SLFN5: variants seen among roughly 807,000 people sequenced by gnomAD.
The protein encoded by SLFN5 is schlafen family member 5.
In SLFN5, 34 loss-of-function variants were observed where a neutral mutation model predicts 48.5. The ratio of observed to expected loss-of-function variants is 0.70; its 90% CI spans 0.53 to 0.93. SLFN5 has a LOEUF of 0.93. Ranked by LOEUF, SLFN5 falls within the 40% of genes least tolerant of loss-of-function variation. SLFN5 has a pLI of 0.00. For missense variants in SLFN5, 1,006 were observed against 1,071.3 expected, an observed-to-expected ratio of 0.94 and a Z score of 0.85; for synonymous variants, 387 against 396.2, an observed-to-expected ratio of 0.98 and a Z score of 0.28.
At chr17:35,261,675 C>CTT (rs200709274) in intron 3 of SLFN5, among the ~76,000 whole-genome samples, 6,226 of 126,732 alleles carry the variant, frequency 0.049, 203 homozygotes, top group Middle Eastern at 0.081. Context: ...AGCCACCAGT[C>CTT]TTTTTTTTTT....
chr17:35,264,097 AGTGTTGATTAAT>A, intron 3 of SLFN5, 74 bp from the exon 4 acceptor site: 1 of 1,447,240 alleles, frequency 6.9e-7, no homozygotes, highest in Non-Finnish European at 9.2e-7. Context: ...GTAGAGTCCC[AGTGTTGATTAAT>A]TCTTCTACGT....
intron 1 of SLFN5, among the ~76,000 whole-genome samples, chr17:35,249,984 A>C (rs2092438655): frequency 6.6e-6 from 1 of 152,242 alleles, no homozygotes; most frequent in African/African-American, 2.4e-5. Context: ...TATCCATAGA[A>C]GTCAGACGCA....
chr17:35,264,243 A>C lies in SLFN5; in HGVS notation c.1199A>C (p.His400Pro), dbSNP rs776405166. The change falls in exon 4 of 5, where the codon CAT becomes CCT. Residue 400 changes from histidine to proline, a missense_variant. Physicochemically the swap from His to Pro is moderately conservative, Grantham distance 77. Transcript: ENST00000299977. The stretch of plus-strand genomic sequence containing the variant: ...CTCTACAAGGAACTCTTCTCACAAC[A>C]TAAAGGACTCAGAGACTTAATAAAT... ...ESLYKELFSQ[H>P]KGLRDLINTE... The C allele has an allele frequency of 5.0e-6, 8 of 1,613,964 alleles. No individual in the cohort carries two copies. The highest frequency in any genetic ancestry group is 1.6e-4 in the Middle Eastern group (1 of 6,084).
rs760181172 is a variant in SLFN5 at position 35,265,394 on chromosome 17, G to A, written c.2182G>A (p.Glu728Lys). 3.1e-6 allele frequency: 5 copies of A among 1,614,166 alleles called. No individual in the cohort carries two copies. Among genetic ancestry groups the A allele is most frequent in the Non-Finnish European group, 4.2e-6 (5 of 1,180,042 alleles). ...IANYLQQVMQ[E>K]ARQNPPPNLP... is the part of the protein sequence containing the mutation. ...TAATTACCTACAACAAGTAATGCAG[G>A]AAGCCCGACAAAATCCTCCACCTAA... The change falls in exon 5 of 5, where the codon GAA becomes AAA. Residue 728 changes from glutamate to lysine, a missense_variant. By Grantham distance (56) the Glu-to-Lys change is moderately conservative. Coordinates refer to ENST00000299977, the MANE Select transcript of SLFN5 (RefSeq NM_144975.4).
At chr17:35,252,178 C>T (rs2092444000) in intron 1 of SLFN5, among the ~76,000 whole-genome samples, 2 of 152,036 alleles carry the variant, frequency 1.3e-5, no homozygotes, top group South Asian at 4.1e-4. Context: ...ACCTGTAATC[C>T]CAGCACTTTA....
intron 1 of SLFN5, among the ~76,000 whole-genome samples, chr17:35,247,915 A>T (rs568151026): frequency 7.9e-5 from 12 of 152,094 alleles, no homozygotes; most frequent in Non-Finnish European, 1.6e-4. Flanking sequence ...TTGTCCTGAG[A>T]GCTTCACTTT....
In SLFN5 at chr17:35,258,969, C is replaced by A. The variant is rs772590228; in HGVS notation, c.279C>A (p.Asn93Lys). ...ATTTAGATAAGATGCAGAAGGAAAA[C>A]CACTTTTTGATTTTTGTGAAATCAT... is the stretch of plus-strand genomic sequence containing the variant. ...RSHLDKMQKE[N>K]HFLIFVKSWN... The change falls in exon 2 of 5, where the codon AAC (asparagine) becomes AAA (lysine). Residue 93 changes from asparagine to lysine, a missense_variant. Coordinates refer to ENST00000299977, the MANE Select transcript of SLFN5 (RefSeq NM_144975.4). 1 of 1,614,088 alleles carries A rather than the reference C, an allele frequency of 6.2e-7. No individual in the cohort carries two copies.
Position 35,258,853 on chromosome 17 carries a change from G to A in SLFN5, c.163G>A (p.Gly55Arg), listed in dbSNP as rs994345205. The change falls in exon 2 of 5, where the codon GGG (glycine) becomes AGG (arginine). Residue 55 changes from glycine to arginine, a missense_variant. By Grantham distance (125) the Gly-to-Arg change is moderately radical (BLOSUM62 -2). Coordinates refer to ENST00000299977, the MANE Select transcript of SLFN5 (RefSeq NM_144975.4). ...AGTATGTGCTCTGCTGAATTCTGGT[G>A]GGGGCATAATCAAGGCTGAGATTGA... ...RAVCALLNSG[G>R]GIIKAEIENK... is the part of the protein sequence containing the mutation. The A allele has an allele frequency of 3.7e-6, 6 of 1,614,182 alleles. No individual in the cohort carries two copies. Among genetic ancestry groups the A allele is most frequent in the Non-Finnish European group, 5.1e-6 (6 of 1,180,036 alleles).
chr17:35,252,037 T>C (rs2092443732), intron 1 of SLFN5, among the ~76,000 whole-genome samples: 1 of 152,174 alleles, frequency 6.6e-6, no homozygotes, highest in Non-Finnish European at 1.5e-5. Flanking sequence ...CACCAAATTA[T>C]TTAAAATGGA....
Position 35,265,810 on chromosome 17 carries a change from G to T in SLFN5, c.2598G>T (p.Pro866=), listed in dbSNP as rs199777740. The part of the protein sequence containing the change: ...VFGINPGVAP[P]AGAYNLLLCL... ...GAATCAATCCAGGAGTAGCCCCACC[G>T]GCTGGGGCCTACAATCTTCTGCTCT... The change falls in exon 5 of 5, where the codon CCG becomes CCT. Residue 866 remains proline (P), a synonymous_variant. Coordinates refer to ENST00000299977, the MANE Select transcript of SLFN5 (RefSeq NM_144975.4). The T allele has an allele frequency of 1.2e-6, 2 of 1,614,104 alleles. No individual in the cohort carries two copies. The highest frequency in any genetic ancestry group is 1.1e-5 in the South Asian group (1 of 91,072).
chr17:35,259,840 T>C (rs906440075), intron 2 of SLFN5, 138 bp downstream of exon 2: 10 of 999,102 alleles, frequency 1.0e-5, no homozygotes, highest in South Asian at 9.9e-5. Flanking sequence ...GTCTGACTTA[T>C]TAATCCCTGT....
intron 1 of SLFN5, among the ~76,000 whole-genome samples, chr17:35,250,658 C>A (rs1160745967): frequency 2.7e-4 from 36 of 134,148 alleles, no homozygotes; most frequent in Admixed American, 3.8e-4. Context: ...AGACTCATCT[C>A]AAAAAAAAAA....
rs974116411 is a variant in SLFN5, at chr17:35,267,374, C to T, written c.*1486C>T. ...GAGTTCAACCTTACACTATAAACAT[C>T]TAATAGATATGTATGAAAATTTAAA... On this transcript the variant is annotated 3_prime_UTR_variant, in exon 5 of 5. Coordinates refer to ENST00000299977, the MANE Select transcript of SLFN5 (RefSeq NM_144975.4). 1 of 152,064 alleles carries T rather than the reference C, an allele frequency of 6.6e-6. No individual in the cohort carries two copies. The highest frequency in any genetic ancestry group is 1.5e-5 in the Non-Finnish European group (1 of 68,000). The allele number at this position is 152,064 out of a possible 1,614,324, so 9.4% of individuals were successfully genotyped here. A position where few individuals can be genotyped will look rare whatever the true frequency, so the allele number is the denominator to read the frequency against.
In SLFN5 at chr17:35,264,707, C is replaced by A. The variant is rs755974136; in HGVS notation, c.1663C>A (p.Leu555Ile). ...AGAGCTGGGCTCTGAGGTTTTGAAC[C>A]TACTGACAAATAAACAGTATGAGTT... ...SEELGSEVLN[L>I]LTNKQYELLS... The change falls in exon 4 of 5, where the codon CTA becomes ATA. Residue 555 changes from leucine (L) to isoleucine (I), a missense_variant. Leu to Ile is a conservative substitution (Grantham distance 5). Coordinates refer to ENST00000299977, the MANE Select transcript of SLFN5 (RefSeq NM_144975.4). The A allele has an allele frequency of 6.2e-6, 10 of 1,608,026 alleles. No individual in the cohort carries two copies. Among genetic ancestry groups the A allele is most frequent in the Middle Eastern group, 1.7e-4 (1 of 6,004 alleles).
intron 1 of SLFN5, among the ~76,000 whole-genome samples, chr17:35,244,473 T>G (rs988978107): frequency 2.6e-5 from 4 of 152,056 alleles, no homozygotes; most frequent in Non-Finnish European, 5.9e-5. Flanking sequence ...TTGTCTGGCC[T>G]CGCCCTATGA....
intron 3 of SLFN5, 103 bp from the exon 4 acceptor site, chr17:35,264,080 A>G (rs1488256560): frequency 7.3e-7 from 1 of 1,361,900 alleles, no homozygotes; most frequent in Non-Finnish European, 9.8e-7. Context: ...CCTATTGTAG[A>G]TACATAGTAG....
chr17:35,250,503 AT>A lies in SLFN5; in HGVS notation c.-41+7361del, dbSNP rs535740233. Among the ~76,000 whole-genome samples the A allele has an allele frequency of 1.8e-4, 27 of 152,228 alleles. No homozygotes were observed. In the East Asian group the frequency reaches 5.2e-3, roughly 29 times the overall value. ...AACCCGGTCTCTACTAAAAAAAAAT[AT>A]CAAAAATTAGCCAGGCGTGGTGGCG... On this transcript the variant is annotated intron_variant, in intron 1 of 4. Coordinates refer to ENST00000299977, the MANE Select transcript of SLFN5 (RefSeq NM_144975.4).
chr17:35,247,234 C>T (rs12601614), intron 1 of SLFN5, among the ~76,000 whole-genome samples: 97,553 of 152,040 alleles, frequency 0.64, 31,703 homozygotes, highest in Middle Eastern at 0.75. Flanking sequence ...AACTTCCCTA[C>T]GACAACACCC....
intron 1 of SLFN5, among the ~76,000 whole-genome samples, chr17:35,253,702 T>G (rs990804716): frequency 3.6e-5 from 5 of 138,048 alleles, no homozygotes; most frequent in South Asian, 5.0e-4. Flanking sequence ...TTTTTTTTTT[T>G]TTTTTTTTTT....
Sources: gnomAD v4.1 joint callset for allele counts (sites outside exome capture counted in the v4.1 genomes callset) on GRCh38, gnomAD v4.1.1 for gene constraint, MANE v1.5 for transcripts, NCBI Gene and HGNC (gene_info 2026-07-23, HGNC 2026-07-21) for gene names.